AXIN2: variants seen among roughly 807,000 people sequenced by gnomAD.
The protein encoded by AXIN2 is axin-2.
A neutral mutation model predicts 74.7 loss-of-function variants in AXIN2; 21 were observed. That is an observed-to-expected ratio of 0.28 (90% CI 0.20 to 0.40). The LOEUF is 0.40. AXIN2 is among the 10% of genes least tolerant of loss of function. The pLI is 1.00. For missense variants in AXIN2, 1,144 were observed against 1,111.1 expected, an observed-to-expected ratio of 1.03 and a Z score of -0.42; for synonymous variants, 532 against 454.9, an observed-to-expected ratio of 1.17 and a Z score of -2.16.
intron 10 of AXIN2, among the ~76,000 whole-genome samples, chr17:65,532,340 C>A (rs974785228): frequency 6.6e-6 from 1 of 152,186 alleles, no homozygotes; most frequent in Admixed American, 6.5e-5. Flanking sequence ...GAAGTCCAGC[C>A]GAGACAAAGC....
chr17:65,539,268 G>T (rs2044004182), intron 4 of AXIN2, among the ~76,000 whole-genome samples: 2 of 152,098 alleles, frequency 1.3e-5, no homozygotes, highest in African/African-American at 2.4e-5. Flanking sequence ...TGGGGTGGGG[G>T]TAGCAGAAAG....
chr17:65,555,998 C>T (rs944346953), intron 2 of AXIN2, among the ~76,000 whole-genome samples: 2 of 152,034 alleles, frequency 1.3e-5, no homozygotes, highest in African/African-American at 2.4e-5. Flanking sequence ...GTGATGTCCA[C>T]GGTTCACAGC....
Position 65,536,395 on chromosome 17 carries a change from G to C in AXIN2, c.2066C>G (p.Thr689Ser), listed in dbSNP as rs367725839. 9 of 1,613,820 alleles carry C rather than the reference G, an allele frequency of 5.6e-6. No homozygotes were observed. The highest frequency in any genetic ancestry group is 1.1e-5 in the South Asian group (1 of 91,068). Residue 689 changes from threonine to serine, a missense_variant, in exon 8 of 11, where the codon ACC (threonine) becomes AGC (serine). Thr to Ser is a moderately conservative substitution (Grantham distance 58, BLOSUM62 1). Coordinates refer to ENST00000307078, the MANE Select transcript of AXIN2 (RefSeq NM_004655.4). ...CAGCTGAGCCAGCGTGTTGGGTGGG[G>C]TCAGGGGAGGCATCGCAGGGTCCTG... Reference protein sequence around the residue: ...FTQDPAMPPLTPPNTLAQLEE... With the variant: ...FTQDPAMPPLSPPNTLAQLEE...
rs1454401425 is a variant in AXIN2 at position 65,529,968 on chromosome 17, C to T, written c.*8G>A. The T allele has an allele frequency of 2.5e-6, 4 of 1,613,996 alleles. No individual in the cohort carries two copies. The highest frequency in any genetic ancestry group is 1.3e-5 in the African/African-American group (1 of 74,922). Reference sequence around the variant, plus strand: ...CTCCAACAGTTCACCAAAGCCAGACCCCAGGGCTCAATCGATCCGCTCCAC... The same window carrying T: ...CTCCAACAGTTCACCAAAGCCAGACTCCAGGGCTCAATCGATCCGCTCCAC... On this transcript the variant is annotated 3_prime_UTR_variant, in exon 11 of 11. Transcript: ENST00000307078.
chr17:65,537,260 C>G, intron 6 of AXIN2, 64 bp downstream of exon 6: 1 of 1,608,260 alleles, frequency 6.2e-7, no homozygotes, highest in Non-Finnish European at 8.5e-7. Context: ...CACCTCACAC[C>G]TGCCCATGGA....
At chr17:65,531,835 T>A (rs891949962) in intron 10 of AXIN2, among the ~76,000 whole-genome samples, 1 of 152,206 alleles carries the variant, frequency 6.6e-6, no homozygotes, top group African/African-American at 2.4e-5. Context: ...GACTGTTTGC[T>A]TTTTGAACCC....
chr17:65,543,456 A>G (rs1330340745), intron 3 of AXIN2, among the ~76,000 whole-genome samples: 2 of 152,330 alleles, frequency 1.3e-5, no homozygotes, highest in South Asian at 4.1e-4. Flanking sequence ...ACTGATGCCA[A>G]CCTGAGAATG....
chr17:65,546,280 T>C (rs1189347663), intron 3 of AXIN2, among the ~76,000 whole-genome samples: 1 of 152,170 alleles, frequency 6.6e-6, no homozygotes, highest in Non-Finnish European at 1.5e-5. Context: ...AGCGATTCAG[T>C]TCAGCTTTTC....
At position 65,529,182 on chromosome 17, in the gene AXIN2, G is replaced by T. The variant is rs10438779; in HGVS notation, c.*794C>A. ...CCCTGGGCCTGGGGAGGCTACATGA[G>T]GGGGAGCCTCAGTCACAGGATCAAC... On this transcript the variant is annotated 3_prime_UTR_variant, in exon 11 of 11. Coordinates refer to ENST00000307078, the MANE Select transcript of AXIN2 (RefSeq NM_004655.4). The T allele has an allele frequency of 0.12, 27,222 of 234,160 alleles. 2,007 individuals carry two copies. The highest frequency in any genetic ancestry group is 0.21 in the Middle Eastern group (167 of 786). The allele number at this position is 234,160 out of a possible 1,614,324, so 14.5% of individuals were successfully genotyped here.
intron 1 of AXIN2, chr17:65,561,025 C>T (rs1487868353): frequency 6.7e-6 from 1 of 148,986 alleles, no homozygotes; most frequent in Non-Finnish European, 1.5e-5. Context: ...AGCCACCGGC[C>T]GGGGAGGGGG....
chr17:65,531,482 T>C (rs968647645), intron 10 of AXIN2, among the ~76,000 whole-genome samples: 5 of 151,610 alleles, frequency 3.3e-5, no homozygotes, highest in Non-Finnish European at 7.4e-5. Flanking sequence ...CACAGGAGAC[T>C]CAGGACAGTG....
At chr17:65,533,003 G>A (rs1322047468) in intron 10 of AXIN2, among the ~76,000 whole-genome samples, 1 of 152,240 alleles carries the variant, frequency 6.6e-6, no homozygotes, top group Admixed American at 6.5e-5. Flanking sequence ...TGCAGGCCAT[G>A]GAGAGGGGCA....
intron 10 of AXIN2, among the ~76,000 whole-genome samples, chr17:65,530,671 A>G (rs969363975): frequency 6.6e-6 from 1 of 152,168 alleles, no homozygotes; most frequent in Non-Finnish European, 1.5e-5. Context: ...ACACTCCTGG[A>G]TGGCCCTGGC....
At chr17:65,537,892 C>T in intron 5 of AXIN2, 57 bp from the exon 6 acceptor site, 1 of 1,494,422 alleles carries the variant, frequency 6.7e-7, no homozygotes, top group Non-Finnish European at 8.9e-7. Flanking sequence ...GGCCAGAGGC[C>T]CTGGGGTTGC....
At chr17:65,533,010 G>A (rs62063440) in intron 10 of AXIN2, among the ~76,000 whole-genome samples, 22,329 of 152,224 alleles carry the variant, frequency 0.15, 1,831 homozygotes, top group Middle Eastern at 0.26. Context: ...CATGGAGAGG[G>A]GCAAGGGAGG....
chr17:65,558,510 C>A lies in AXIN2; in HGVS notation c.111G>T (p.Gln37His), dbSNP rs2144590910. 1 of 1,613,360 alleles carries A rather than the reference C, an allele frequency of 6.2e-7. No individual in the cohort carries two copies. The highest frequency in any genetic ancestry group is 1.6e-4 in the Middle Eastern group (1 of 6,062). The change falls in exon 2 of 11, where the codon CAG (glutamine) becomes CAT (histidine). Residue 37 changes from glutamine to histidine, a missense_variant. Coordinates refer to ENST00000307078, the MANE Select transcript of AXIN2 (RefSeq NM_004655.4). ...PGEEGETPPC[Q>H]PGVGKGQVTK... ...TGACCTGGCCCTTGCCCACCCCTGGCTGACACGGTGGGGTCTCCCCTTCTT... is the reference window on the plus strand; with the variant it reads ...TGACCTGGCCCTTGCCCACCCCTGGATGACACGGTGGGGTCTCCCCTTCTT...
intron 9 of AXIN2, 29 bp from the exon 10 acceptor site, chr17:65,534,108 T>A (rs1331197793): frequency 6.2e-7 from 1 of 1,613,868 alleles, no homozygotes; most frequent in African/African-American, 1.3e-5. Context: ...GGAACAAGTT[T>A]AGCATTTTAA....
chr17:65,549,331 C>T (rs895360794), intron 3 of AXIN2, among the ~76,000 whole-genome samples, 189 bp downstream of exon 3: 3 of 152,180 alleles, frequency 2.0e-5, no homozygotes, highest in African/African-American at 4.8e-5. Context: ...TTTACCCTAC[C>T]CAGATGACCA....
chr17:65,542,188 A>T (rs1194065477), intron 3 of AXIN2, among the ~76,000 whole-genome samples: 1 of 152,146 alleles, frequency 6.6e-6, no homozygotes, highest in Non-Finnish European at 1.5e-5. Context: ...ACCACCCCCA[A>T]CCAATGAATT....
Sources: allele counts gnomAD v4.1 joint callset (sites outside exome capture counted in the v4.1 genomes callset), GRCh38; gene constraint gnomAD v4.1.1; transcripts MANE v1.5; gene names NCBI Gene and HGNC (gene_info 2026-07-23, HGNC 2026-07-21).